Variants in GSTO1 observed in about 807,000 individuals in gnomAD.
The protein encoded by GSTO1 is glutathione S-transferase omega-1.
In GSTO1, 27 loss-of-function variants were observed where a neutral mutation model predicts 23.8. The ratio of observed to expected loss-of-function variants is 1.13; its 90% CI spans 0.83 to 1.56. The LOEUF is 1.56. Ranked by LOEUF, GSTO1 falls within the 40% of genes most tolerant of loss-of-function variation. The probability of loss-of-function intolerance (pLI) is 0.00; values close to 1 mark genes in which losing one functional copy is unlikely to be tolerated. For synonymous variants in GSTO1, 105 were observed against 109.3 expected (o/e 0.96, Z 0.25); for missense variants, 255 against 285.8 (o/e 0.89, Z 0.78).
intron 2 of GSTO1, among the ~76,000 whole-genome samples, chr10:104,256,136 A>G (rs1187888262): frequency 6.6e-6 from 1 of 152,208 alleles, no homozygotes; most frequent in African/African-American, 2.4e-5. Context: ...CCCTAAAAGA[A>G]AGGTAAAATG....
At chr10:104,263,344 A>T (rs1205046433) in intron 4 of GSTO1, among the ~76,000 whole-genome samples, 1 of 152,226 alleles carries the variant, frequency 6.6e-6, no homozygotes, top group Non-Finnish European at 1.5e-5. Context: ...GGAAAAAGGA[A>T]ATTGTACCCA....
intron 4 of GSTO1, among the ~76,000 whole-genome samples, chr10:104,264,497 T>G (rs1205319937): frequency 6.6e-6 from 1 of 152,222 alleles, no homozygotes; most frequent in Non-Finnish European, 1.5e-5. Flanking sequence ...CCAGATAATA[T>G]TCTCAATCAC....
At chr10:104,262,910 T>A in intron 3 of GSTO1, 69 bp from the exon 4 acceptor site, 1 of 717,316 alleles carries the variant, frequency 1.4e-6, no homozygotes. Context: ...GGTTCTACCA[T>A]ATTTTTATGT....
chr10:104,263,840 CT>C (rs1009788310), intron 4 of GSTO1, among the ~76,000 whole-genome samples: 58 of 151,878 alleles, frequency 3.8e-4, no homozygotes, highest in African/African-American at 1.4e-3. Flanking sequence ...AATGGTTTTT[CT>C]GCATCTGTTA....
intron 3 of GSTO1, among the ~76,000 whole-genome samples, chr10:104,262,529 T>C (rs1228374268): frequency 6.6e-6 from 1 of 152,090 alleles, no homozygotes; most frequent in African/African-American, 2.4e-5. Context: ...CTGGCCAATA[T>C]GGTGAATCCC....
intron 2 of GSTO1, among the ~76,000 whole-genome samples, chr10:104,257,853 TATTC>T (rs945348992): frequency 1.3e-5 from 2 of 152,250 alleles, no homozygotes; most frequent in Non-Finnish European, 2.9e-5. Flanking sequence ...TCCACAGATT[TATTC>T]ATTCATTTAT....
intron 3 of GSTO1, among the ~76,000 whole-genome samples, chr10:104,262,101 C>A (rs1433509476): frequency 1.3e-5 from 2 of 152,218 alleles, no homozygotes; most frequent in Non-Finnish European, 2.9e-5. Flanking sequence ...GGTGGGATAT[C>A]TGCTTAAGAT....
intron 5 of GSTO1, among the ~76,000 whole-genome samples, chr10:104,266,548 C>A (rs1370647876): frequency 6.6e-6 from 1 of 152,146 alleles, no homozygotes; most frequent in African/African-American, 2.4e-5. Flanking sequence ...ACCAGCCTGG[C>A]CAATGTGGTG....
At chr10:104,261,478 C>T (rs996834935) in intron 3 of GSTO1, among the ~76,000 whole-genome samples, 1 of 152,116 alleles carries the variant, frequency 6.6e-6, no homozygotes, top group African/African-American at 2.4e-5. Context: ...AGACACAGAA[C>T]TAAGACAGTA....
At chr10:104,254,499 GGTGA>G (rs2091591680), upstream of GSTO1, 1 of 254,662 alleles carries the variant, frequency 3.9e-6, no homozygotes, top group Non-Finnish European at 7.8e-6. Context: ...GCTCTGGACC[GGTGA>G]GTGAGCCATG....
intron 2 of GSTO1, among the ~76,000 whole-genome samples, chr10:104,256,436 C>T (rs12250910): frequency 0.074 from 11,250 of 152,164 alleles, 1,398 homozygotes; most frequent in African/African-American, 0.26. Context: ...TCACCCTGGA[C>T]CTTTAGTTTG....
chr10:104,260,994 A>G (rs17884376), intron 3 of GSTO1, among the ~76,000 whole-genome samples: 2,801 of 152,318 alleles, frequency 0.018, 28 homozygotes, highest in African/African-American at 0.027. Context: ...CGAAGTCATC[A>G]ATACCAACCA....
chr10:104,256,900 T>G (rs923269238), intron 2 of GSTO1, among the ~76,000 whole-genome samples: 1 of 150,850 alleles, frequency 6.6e-6, no homozygotes, highest in Non-Finnish European at 1.5e-5. Context: ...TTTTTTTTTT[T>G]GCAATGGCTG....
chr10:104,263,123 C>T, intron 4 of GSTO1, 46 bp downstream of exon 4: 2 of 773,352 alleles, frequency 2.6e-6, no homozygotes, highest in East Asian at 4.9e-5. Flanking sequence ...ATAACTATAT[C>T]TACCCTCCTT....
chr10:104,255,072 G>T, intron 1 of GSTO1, 91 bp from the exon 2 acceptor site: 3 of 1,436,000 alleles, frequency 2.1e-6, no homozygotes, highest in Non-Finnish European at 2.9e-6. Context: ...GCGGGGAACG[G>T]GTCGGAGCTG....
intron 1 of GSTO1, 49 bp from the exon 2 acceptor site, chr10:104,255,114 G>C (rs759527020): frequency 2.0e-6 from 3 of 1,481,984 alleles, no homozygotes; most frequent in Non-Finnish European, 2.8e-6. Context: ...GGATACGGGG[G>C]GTCTCGACAC....
intron 2 of GSTO1, among the ~76,000 whole-genome samples, chr10:104,256,442 G>T (rs1252002641): frequency 6.6e-6 from 1 of 152,224 alleles, no homozygotes; most frequent in Non-Finnish European, 1.5e-5. Flanking sequence ...TGGACCTTTA[G>T]TTTGAAAACA....
Position 104,254,893 on chromosome 10 carries a change from C to G in GSTO1, c.-36C>G, listed in dbSNP as rs780814326. The G allele has an allele frequency of 6.2e-7, 1 of 1,606,308 alleles. No homozygotes were observed. The highest frequency in any genetic ancestry group is 8.5e-7 in the Non-Finnish European group (1 of 1,175,562). On this transcript the variant is annotated 5_prime_UTR_variant, in exon 1 of 6. Coordinates refer to ENST00000369713, the MANE Select transcript of GSTO1 (RefSeq NM_004832.3). ...CGCCACCTACTTCCTGAATCCCCTG[C>G]AAACCCCAGAGGAGCTCGGCCTGCG...
rs755021407 is a variant in GSTO1 at position 104,259,563 on chromosome 10, A to G, written c.144-13A>G. 1.5e-5 allele frequency: 23 copies of G among 1,516,782 alleles called. No individual in the cohort carries two copies. The Admixed American group carries it at 3.5e-4, about 23-fold the overall frequency. The allele number at this position is 1,516,782 out of a possible 1,614,324, so 94.0% of individuals were successfully genotyped here. On this transcript the variant is annotated splice_polypyrimidine_tract_variant and intron_variant, in intron 2 of 5. Coordinates refer to ENST00000369713, the MANE Select transcript of GSTO1 (RefSeq NM_004832.3). ...TGTTTCCTTCTCTTCATAGTCTCCT[A>G]TGTGTCTTTCAGGCATGAAGTCATC...
Sources: gnomAD v4.1 joint callset for allele counts (sites outside exome capture counted in the v4.1 genomes callset) on GRCh38, gnomAD v4.1.1 for gene constraint, MANE v1.5 for transcripts, NCBI Gene and HGNC (gene_info 2026-07-23, HGNC 2026-07-21) for gene names.